Variants in AP3B2 observed in about 807,000 individuals in gnomAD.
AP3B2 encodes AP-3 complex subunit beta-2.
A neutral mutation model predicts 126.9 loss-of-function variants in AP3B2; 50 were observed. The observed-to-expected ratio is 0.39, with a 90% CI of 0.31 to 0.50. The LOEUF is 0.50. AP3B2 is among the 20% of genes least tolerant of loss of function. The probability of loss-of-function intolerance (pLI) is 0.79; values close to 1 mark genes in which losing one functional copy is unlikely to be tolerated. For synonymous variants in AP3B2, 541 were observed against 565.0 expected (o/e 0.96, Z 0.60); for missense variants, 1,177 against 1,426.4 (o/e 0.83, Z 2.82).
Position 82,681,654 on chromosome 15 carries a change from A to G in AP3B2, c.361-74T>C, listed in dbSNP as rs2048340870. The G allele has an allele frequency of 1.3e-6, 2 of 1,507,364 alleles. No homozygotes were observed. The highest frequency in any genetic ancestry group is 1.8e-6 in the Non-Finnish European group (2 of 1,112,996). 93.4% of individuals were successfully genotyped at this position (1,507,364 alleles called of 1,614,324 possible). ...GATGGGGGGAGGCCACACCTTTGGA[A>G]GTCACTGTCCCCAGCGACCACTAGC... On this transcript the variant is annotated intron_variant, in intron 4 of 26. Coordinates refer to ENST00000535359, the MANE Select transcript of AP3B2 (RefSeq NM_001278512.2). This position sits in a 1 kb window ranked among gnomAD's most constrained non-coding sequence, Gnocchi z 4.0.
Position 82,665,932 on chromosome 15 carries a change from G to A in AP3B2, c.1853-357C>T, listed in dbSNP as rs1341446808. 3.3e-5 allele frequency among the ~76,000 whole-genome samples: 5 copies of A among 152,194 alleles called. No homozygotes were observed. Among genetic ancestry groups the A allele is most frequent in the Non-Finnish European group, 7.3e-5 (5 of 68,030 alleles). On this transcript the variant is annotated intron_variant, in intron 15 of 26. Coordinates refer to ENST00000535359, the MANE Select transcript of AP3B2 (RefSeq NM_001278512.2). This position sits in a 1 kb window ranked among gnomAD's most constrained non-coding sequence, Gnocchi z 4.4. ...AGGGATGAACAGTCAGAGCATGAGT[G>A]TGTAGAAGTCTGGATCAGAGTTGAG...
chr15:82,669,586 G>A (rs1463186819), intron 14 of AP3B2, among the ~76,000 whole-genome samples: 2 of 152,002 alleles, frequency 1.3e-5, no homozygotes, highest in East Asian at 1.9e-4. Context: ...GAGCTACTCA[G>A]GAGGCTGAGG....
intron 14 of AP3B2, among the ~76,000 whole-genome samples, chr15:82,669,422 G>A (rs1348212889): frequency 2.6e-5 from 4 of 152,120 alleles, no homozygotes; most frequent in African/African-American, 7.2e-5. Context: ...GGCCAGGTGC[G>A]GTGGCTGATG....
intron 14 of AP3B2, among the ~76,000 whole-genome samples, chr15:82,669,669 T>G: frequency 7.3e-6 from 1 of 137,182 alleles, no homozygotes; most frequent in Non-Finnish European, 1.5e-5. Flanking sequence ...TCCAGCCTGG[T>G]GACAGAGCAA....
At chr15:82,667,082 T>C in intron 14 of AP3B2, 149 bp from the exon 15 acceptor site, 4 of 768,200 alleles carry the variant, frequency 5.2e-6, no homozygotes, top group Middle Eastern at 3.8e-4. Flanking sequence ...CCTCCCCACC[T>C]GCCCTTGTTC....
rs370333440 is a variant in AP3B2 at position 82,676,498 on chromosome 15, T to C, written c.1628A>G (p.Asn543Ser). 1.8e-5 allele frequency: 29 copies of C among 1,613,910 alleles called. No individual in the cohort carries two copies. The highest frequency in any genetic ancestry group is 3.3e-5 in the Admixed American group (2 of 60,000). Residue 543 changes from asparagine (N) to serine (S), a missense_variant, in exon 14 of 27, where the codon AAC becomes AGC. Transcript: ENST00000535359. ...GGTCAGGTAGAGCTTGGCTGCCAGG[T>C]TGATGACCTGCAGCTTGACAATATC... Reference protein sequence around the residue: ...EEDIVKLQVINLAAKLYLTNS... With the variant: ...EEDIVKLQVISLAAKLYLTNS...
At position 82,664,824 on chromosome 15, in the gene AP3B2, C is replaced by T; in HGVS notation, c.2137+11G>A. 6.4e-7 allele frequency: 1 copy of T among 1,573,242 alleles called. No homozygotes were observed. Among genetic ancestry groups the T allele is most frequent in the South Asian group, 1.2e-5 (1 of 86,328 alleles). ...AGAGCACAGAGGACCCCAGCTCTGC[C>T]ATCTGCTCACCACTGTCTGCGGACT... On this transcript the variant is annotated intron_variant, in intron 18 of 26. Coordinates refer to ENST00000535359, the MANE Select transcript of AP3B2 (RefSeq NM_001278512.2). The surrounding 1 kb of genome is among the most constrained non-coding windows in gnomAD (Gnocchi z 4.5).
At chr15:82,678,972 C>T (rs1390288490) in intron 10 of AP3B2, among the ~76,000 whole-genome samples, 2 of 152,136 alleles carry the variant, frequency 1.3e-5, no homozygotes, top group Non-Finnish European at 2.9e-5. Context: ...GAGGTATGGG[C>T]TCCCGCCACT....
At chr15:82,695,906 G>T (rs967461601) in intron 1 of AP3B2, among the ~76,000 whole-genome samples, 1 of 152,206 alleles carries the variant, frequency 6.6e-6, no homozygotes, top group African/African-American at 2.4e-5. Context: ...GTTAGTGTCT[G>T]CTGGAGAACA....
chr15:82,674,526 C>T (rs771687654), intron 14 of AP3B2, among the ~76,000 whole-genome samples: 2 of 152,196 alleles, frequency 1.3e-5, no homozygotes, highest in Non-Finnish European at 2.9e-5. Flanking sequence ...ACCCACAGCT[C>T]GCTGTGCCAA....
rs753241290 is a variant in AP3B2 at position 82,688,746 on chromosome 15, C to T, written c.350G>A (p.Arg117His). ...LALLSISTFQ[R>H]GLKDPNQLIR... ...ACTGAGACCCCTGACCTTTAGGCCA[C>T]GTTGGAAGGTGGAGATGGACAGCAG... The change falls in exon 4 of 27, where the codon CGT becomes CAT. Residue 117 changes from arginine to histidine, a missense_variant. Physicochemically the swap from Arg to His is conservative, Grantham distance 29. This residue lies in a region of AP3B2 where 130 missense variants were observed against 262.0 expected (regional missense o/e 0.50). Transcript: ENST00000535359. 7 of 1,611,832 alleles carry T rather than the reference C, an allele frequency of 4.3e-6. No homozygotes were observed. Among genetic ancestry groups the T allele is most frequent in the African/African-American group, 1.3e-5 (1 of 74,880 alleles).
intron 3 of AP3B2, 123 bp downstream of exon 3, chr15:82,689,035 G>T: frequency 8.5e-7 from 1 of 1,178,122 alleles, no homozygotes; most frequent in Non-Finnish European, 1.2e-6. Context: ...TCTTCTCCTG[G>T]CTCAGAGACA....
At chr15:82,670,090 A>AT (rs2048126764) in intron 14 of AP3B2, among the ~76,000 whole-genome samples, 1 of 137,238 alleles carries the variant, frequency 7.3e-6, no homozygotes, top group Non-Finnish European at 1.5e-5. Flanking sequence ...AAAAAAAAAA[A>AT]AATCAGTGGC....
chr15:82,678,306 G>A, intron 10 of AP3B2, 139 bp from the exon 11 acceptor site: 3 of 870,206 alleles, frequency 3.4e-6, no homozygotes, highest in Non-Finnish European at 3.7e-6. Flanking sequence ...TGAGGGAATT[G>A]ACAGGTTATG....
In AP3B2 at chr15:82,666,932, G is replaced by T; in HGVS notation, c.1667C>A (p.Thr556Asn). The T allele has an allele frequency of 6.2e-7, 1 of 1,607,474 alleles. No individual in the cohort carries two copies. The highest frequency in any genetic ancestry group is 8.5e-7 in the Non-Finnish European group (1 of 1,174,664). ...AKLYLTNSKQ[T>N]KLLTQYVLSL... ...CAGCACATACTGGGTCAGCAGCTTG[G>T]TCTGGAGGAACAGGAAGAGGTGGGT... The change falls in exon 15 of 27, where the codon ACC becomes AAC. Residue 556 changes from threonine (T) to asparagine (N), a missense_variant and splice_region_variant. Physicochemically the swap from Thr to Asn is moderately conservative, Grantham distance 65 (BLOSUM62 0). Transcript: ENST00000535359.
chr15:82,696,560 A>G (rs566814845), intron 1 of AP3B2, among the ~76,000 whole-genome samples: 1 of 152,324 alleles, frequency 6.6e-6, no homozygotes, highest in South Asian at 2.1e-4. Flanking sequence ...CCTGGGTGAC[A>G]GAGTGAGACT....
At position 82,681,032 on chromosome 15, in the gene AP3B2, C is replaced by G; in HGVS notation, c.589-13G>C. ...TGCCCGCCACCAGCTGGGGAAAGAA[C>G]AAAGACGAGAGGGTGAACGCGAAGG... On this transcript the variant is annotated splice_polypyrimidine_tract_variant and intron_variant, in intron 6 of 26. Coordinates refer to ENST00000535359, the MANE Select transcript of AP3B2 (RefSeq NM_001278512.2). This position sits in a 1 kb window ranked among gnomAD's most constrained non-coding sequence, Gnocchi z 4.0. 2 of 1,613,666 alleles carry G rather than the reference C, an allele frequency of 1.2e-6. No individual in the cohort carries two copies. Among genetic ancestry groups the G allele is most frequent in the Non-Finnish European group, 8.5e-7 (1 of 1,179,862 alleles).
chr15:82,696,615 G>A (rs111396389), intron 1 of AP3B2, among the ~76,000 whole-genome samples: 1 of 152,156 alleles, frequency 6.6e-6, no homozygotes, highest in African/African-American at 2.4e-5. Flanking sequence ...ACATGTATAA[G>A]GTCTCTTTGC....
intron 25 of AP3B2, 45 bp downstream of exon 25, chr15:82,661,780 C>T: frequency 6.6e-7 from 1 of 1,504,348 alleles, no homozygotes; most frequent in Admixed American, 1.9e-5. Context: ...ATTCTGGAGT[C>T]AGCTTCTATA....
Sources: gnomAD v4.1 joint callset for allele counts (sites outside exome capture counted in the v4.1 genomes callset) on GRCh38, gnomAD v4.1.1 for gene constraint, gnomAD v4.1.1 regional missense constraint, Gnocchi (gnomAD v3.1) non-coding constraint, MANE v1.5 for transcripts, NCBI Gene and HGNC (gene_info 2026-07-23, HGNC 2026-07-21) for gene names.